DZIP3: variants seen among roughly 807,000 people sequenced by gnomAD.
DZIP3 encodes the protein E3 ubiquitin-protein ligase DZIP3.
In DZIP3, 118 loss-of-function variants were observed where a neutral mutation model predicts 162.0. The observed-to-expected ratio is 0.73, with a 90% confidence interval of 0.63 to 0.85. The LOEUF is 0.85. DZIP3 is among the 40% of genes least tolerant of loss of function. The probability of loss-of-function intolerance (pLI) is 0.00; values close to 1 mark genes in which losing one functional copy is unlikely to be tolerated. For synonymous variants in DZIP3, 438 were observed against 458.6 expected, an observed-to-expected ratio of 0.96 and a Z score of 0.57; for missense variants, 1,331 against 1,407.0, an observed-to-expected ratio of 0.95 and a Z score of 0.86.
intron 21 of DZIP3, among the ~76,000 whole-genome samples, chr3:108,666,175 G>A (rs1943668018): frequency 6.6e-6 from 1 of 152,014 alleles, no homozygotes; most frequent in South Asian, 2.1e-4. Flanking sequence ...TATTTGAAAA[G>A]TGAGGAGGGT....
intron 8 of DZIP3, among the ~76,000 whole-genome samples, chr3:108,632,050 A>C (rs1462941069): frequency 1.3e-5 from 2 of 152,094 alleles, no homozygotes; most frequent in African/African-American, 2.4e-5. Flanking sequence ...TATTTGTGAA[A>C]TAATTTCTAG....
chr3:108,589,653 G>A (rs1297918545), upstream of DZIP3: 3 of 311,504 alleles, frequency 9.6e-6, no homozygotes, highest in Admixed American at 1.0e-4. Context: ...TTCGGCCTGA[G>A]ATCCCGTGAA....
chr3:108,643,855 CCT>C (rs1244176145), intron 13 of DZIP3, among the ~76,000 whole-genome samples: 2 of 152,006 alleles, frequency 1.3e-5, no homozygotes, highest in African/African-American at 4.8e-5. Flanking sequence ...TTTTTAAAGA[CCT>C]AATACTGTGA....
intron 5 of DZIP3, among the ~76,000 whole-genome samples, chr3:108,620,133 C>A (rs943963375): frequency 6.6e-6 from 1 of 152,106 alleles, no homozygotes; most frequent in African/African-American, 2.4e-5. Flanking sequence ...ATATTTTCTC[C>A]CTTCCATGAG....
At chr3:108,689,432 C>T (rs778965252) in intron 31 of DZIP3, among the ~76,000 whole-genome samples, 1 of 152,076 alleles carries the variant, frequency 6.6e-6, no homozygotes, top group Non-Finnish European at 1.5e-5. Flanking sequence ...ACCTGTAATC[C>T]CAGCACTTTA....
chr3:108,692,268 G>T (rs1289709014), intron 32 of DZIP3, among the ~76,000 whole-genome samples: 1 of 152,026 alleles, frequency 6.6e-6, no homozygotes, highest in Non-Finnish European at 1.5e-5. Flanking sequence ...GGCATAGACA[G>T]ACTGGCTATT....
chr3:108,685,724 AACTTT>A (rs1462275864), intron 27 of DZIP3, among the ~76,000 whole-genome samples: 1 of 152,182 alleles, frequency 6.6e-6, no homozygotes, highest in Non-Finnish European at 1.5e-5. Flanking sequence ...TGAAAAATGT[AACTTT>A]ACTTTCTCGT....
intron 21 of DZIP3, among the ~76,000 whole-genome samples, chr3:108,664,552 G>A (rs1325362554): frequency 6.6e-6 from 1 of 152,190 alleles, no homozygotes; most frequent in Non-Finnish European, 1.5e-5. Context: ...TGTTACTTAA[G>A]CCAGTCTGAG....
intron 11 of DZIP3, among the ~76,000 whole-genome samples, chr3:108,637,230 T>C (rs1942197487): frequency 6.6e-6 from 1 of 152,062 alleles, no homozygotes; most frequent in Admixed American, 6.6e-5. Flanking sequence ...TATTTCTTTA[T>C]TGTAAAATGT....
chr3:108,629,820 A>AAT (rs1182805306), intron 8 of DZIP3, among the ~76,000 whole-genome samples: 1 of 151,102 alleles, frequency 6.6e-6, no homozygotes, highest in East Asian at 1.9e-4. Context: ...TATATATATA[A>AAT]ATATATAGTA....
intron 2 of DZIP3, 54 bp from the exon 3 acceptor site, chr3:108,608,035 T>G: frequency 1.4e-6 from 2 of 1,414,878 alleles, no homozygotes; most frequent in Middle Eastern, 1.8e-4. Context: ...CTACTACAAT[T>G]TGTGTTCTTT....
chr3:108,616,554 C>A lies in DZIP3; in HGVS notation c.272C>A (p.Ala91Asp). The stretch of plus-strand genomic sequence containing the variant: ...AATTTTCCACAGAGAGAAGTTGCAG[C>A]TAACAGCCAGAATGGTGAGGAAATT... Reference protein sequence around the residue: ...SFQTMQREVAANSQNGEEIVP... With the variant: ...SFQTMQREVADNSQNGEEIVP... The change falls in exon 5 of 33, where the codon GCT becomes GAT. Residue 91 changes from alanine to aspartate, a missense_variant. Coordinates refer to ENST00000361582, the MANE Select transcript of DZIP3 (RefSeq NM_014648.4). The A allele has an allele frequency of 1.2e-6, 2 of 1,606,812 alleles. No individual in the cohort carries two copies. The highest frequency in any genetic ancestry group is 1.7e-6 in the Non-Finnish European group (2 of 1,176,922).
At chr3:108,673,301 A>G (rs1303866188) in intron 23 of DZIP3, among the ~76,000 whole-genome samples, 2 of 151,986 alleles carry the variant, frequency 1.3e-5, no homozygotes, top group East Asian at 3.9e-4. Context: ...CCTGGAAGTC[A>G]GCAACCAAGA....
At chr3:108,638,112 T>A (rs1010200887) in intron 12 of DZIP3, among the ~76,000 whole-genome samples, 2 of 152,212 alleles carry the variant, frequency 1.3e-5, no homozygotes, top group Non-Finnish European at 2.9e-5. Context: ...CAGTTTTCCC[T>A]TATTAGTTAA....
At position 108,669,752 on chromosome 3, in the gene DZIP3, A is replaced by G; in HGVS notation, c.2492+3A>G. On this transcript the variant is annotated splice_donor_region_variant and intron_variant, in intron 22 of 32. Coordinates refer to ENST00000361582, the MANE Select transcript of DZIP3 (RefSeq NM_014648.4). ...AAAGAGCAACTTTCTATGAAAAGGTACAAACTTAGCTTTTTCTTTGGGTGC... is the reference window on the plus strand; with the variant it reads ...AAAGAGCAACTTTCTATGAAAAGGTGCAAACTTAGCTTTTTCTTTGGGTGC... The G allele has an allele frequency of 6.2e-7, 1 of 1,608,062 alleles. No homozygotes were observed. The highest frequency in any genetic ancestry group is 8.5e-7 in the Non-Finnish European group (1 of 1,175,730).
intron 31 of DZIP3, 106 bp downstream of exon 31, chr3:108,689,030 G>A: frequency 1.8e-6 from 2 of 1,114,496 alleles, no homozygotes; most frequent in Non-Finnish European, 2.7e-6. Context: ...AAGTTCCACT[G>A]GATATAACTC....
intron 17 of DZIP3, among the ~76,000 whole-genome samples, chr3:108,650,227 G>A (rs1576416068): frequency 1.3e-5 from 2 of 151,950 alleles, no homozygotes; most frequent in Admixed American, 6.6e-5. Flanking sequence ...AAGGGAATTT[G>A]AGAAATAATC....
At chr3:108,691,270 A>G (rs1944683707) in intron 32 of DZIP3, 1 of 165,910 alleles carries the variant, frequency 6.0e-6, no homozygotes, top group South Asian at 1.6e-4. Flanking sequence ...ATTTAAGGAA[A>G]AGGGAAATAG....
intron 4 of DZIP3, among the ~76,000 whole-genome samples, chr3:108,616,281 T>TAAAC (rs1288360181): frequency 1.4e-5 from 2 of 140,250 alleles, no homozygotes; most frequent in Non-Finnish European, 3.0e-5. Context: ...AATAAATAAA[T>TAAAC]AAATAAATAA....
Sources: gnomAD v4.1 joint callset for allele counts (sites outside exome capture counted in the v4.1 genomes callset) on GRCh38, gnomAD v4.1.1 for gene constraint, MANE v1.5 for transcripts, NCBI Gene and HGNC (gene_info 2026-07-23, HGNC 2026-07-21) for gene names.